Variants in ATP1A1 observed in about 807,000 individuals in gnomAD.
ATP1A1 encodes the protein sodium/potassium-transporting ATPase subunit alpha-1.
Under a neutral mutation model 114.8 loss-of-function variants are expected in ATP1A1, and 14 were observed. The ratio of observed to expected loss-of-function variants is 0.12; its 90% CI spans 0.08 to 0.19. The LOEUF is 0.19. ATP1A1 is among the 10% of genes least tolerant of loss of function. The pLI, the probability that ATP1A1 is intolerant of heterozygous loss-of-function variation, is 1.00. For missense variants in ATP1A1, 524 were observed against 1,290.7 expected, an observed-to-expected ratio of 0.41 and a Z score of 9.10; for synonymous variants, 471 against 466.3, an observed-to-expected ratio of 1.01 and a Z score of -0.13.
Position 116,397,830 on chromosome 1 carries a change from T to C in ATP1A1, c.1974-58T>C, listed in dbSNP as rs1214883732. ...ATAAGAATATCCCCTCTTGAGGTGA[T>C]GGACACATGCTGGTGATGTGATGCG... On this transcript the variant is annotated intron_variant, in intron 14 of 22. Coordinates refer to ENST00000295598, the MANE Select transcript of ATP1A1 (RefSeq NM_000701.8). The surrounding 1 kb of genome is among the most constrained non-coding windows in gnomAD (Gnocchi z 4.2). 12 of 1,570,656 alleles carry C rather than the reference T, an allele frequency of 7.6e-6. No individual in the cohort carries two copies. The highest frequency in any genetic ancestry group is 9.5e-6 in the Non-Finnish European group (11 of 1,159,106).
intron 18 of ATP1A1, among the ~76,000 whole-genome samples, chr1:116,400,179 CTG>C (rs1160205874): frequency 1.3e-5 from 2 of 152,210 alleles, no homozygotes; most frequent in Non-Finnish European, 2.9e-5. Context: ...GGTCACATAA[CTG>C]TGAACGCTTG....
chr1:116,398,129 T>G lies in ATP1A1; in HGVS notation c.2124+91T>G. ...AAACAGAGCAACGGTGATGGATGGA[T>G]GCATACCTCGCTGTATTAGACTCAG... On this transcript the variant is annotated intron_variant, in intron 15 of 22. Coordinates refer to ENST00000295598, the MANE Select transcript of ATP1A1 (RefSeq NM_000701.8). This position sits in a 1 kb window ranked among gnomAD's most constrained non-coding sequence, Gnocchi z 6.1. 6.6e-7 allele frequency: 1 copy of G among 1,521,622 alleles called. No homozygotes were observed. The highest frequency in any genetic ancestry group is 1.8e-5 in the Admixed American group (1 of 54,194). 94.3% of individuals were successfully genotyped at this position (1,521,622 alleles called of 1,614,324 possible). A position where few individuals can be genotyped will look rare whatever the true frequency, so the allele number is the denominator to read the frequency against.
chr1:116,395,195 T>G lies in ATP1A1; in HGVS notation c.1746T>G (p.Asn582Lys), dbSNP rs369543323. 6.8e-6 allele frequency: 11 copies of G among 1,614,070 alleles called. No individual in the cohort carries two copies. In the African/African-American group the frequency reaches 1.5e-4, roughly 22 times the overall value. Reference protein sequence around the residue: ...DTDDVNFPIDNLCFVGLISMI... With the variant: ...DTDDVNFPIDKLCFVGLISMI... ...ACGATGTGAATTTCCCTATCGATAA[T>G]CTGTGCTTTGTTGGGCTCATCTCCA... Residue 582 changes from asparagine (N) to lysine (K), a missense_variant, in exon 13 of 23, where the codon AAT becomes AAG. This residue lies in a region of ATP1A1 where 143 missense variants were observed against 259.3 expected (regional missense o/e 0.55). Coordinates refer to ENST00000295598, the MANE Select transcript of ATP1A1 (RefSeq NM_000701.8). This position sits in a 1 kb window ranked among gnomAD's most constrained non-coding sequence, Gnocchi z 6.4.
intron 10 of ATP1A1, 28 bp from the exon 11 acceptor site, chr1:116,392,826 A>T: frequency 6.3e-7 from 1 of 1,581,930 alleles, no homozygotes; most frequent in Non-Finnish European, 8.6e-7. Context: ...TTTTGGAGAT[A>T]ATTTACAGAT....
In ATP1A1 at chr1:116,388,209, A is replaced by G; in HGVS notation, c.466A>G (p.Lys156Glu). Reference sequence around the variant, plus strand: ...CTACTATCAAGAAGCTAAAAGTTCAAAGATCATGGAATCCTTCAAAAACAT... The same window carrying G: ...CTACTATCAAGAAGCTAAAAGTTCAGAGATCATGGAATCCTTCAAAAACAT... ...FSYYQEAKSS[K>E]IMESFKNMVP... The change falls in exon 5 of 23, where the codon AAG (lysine) becomes GAG (glutamate). Residue 156 changes from lysine to glutamate, a missense_variant. Lys to Glu is a moderately conservative substitution (Grantham distance 56). This residue lies in a region of ATP1A1 where 141 missense variants were observed against 316.6 expected (regional missense o/e 0.45). Coordinates refer to ENST00000295598, the MANE Select transcript of ATP1A1 (RefSeq NM_000701.8). The surrounding 1 kb of genome is among the most constrained non-coding windows in gnomAD (Gnocchi z 5.6). The G allele has an allele frequency of 1.2e-6, 2 of 1,614,100 alleles. No homozygotes were observed. Among genetic ancestry groups the G allele is most frequent in the Non-Finnish European group, 1.7e-6 (2 of 1,179,914 alleles).
intron 1 of ATP1A1, among the ~76,000 whole-genome samples, chr1:116,380,880 CCCCTG>C (rs949692556): frequency 2.6e-5 from 4 of 152,052 alleles, no homozygotes; most frequent in African/African-American, 9.7e-5. Context: ...CGTGGGTAAG[CCCCTG>C]CCCTTGCTGT....
At chr1:116,390,733 T>C in intron 9 of ATP1A1, 49 bp from the exon 10 acceptor site, 1 of 1,463,250 alleles carries the variant, frequency 6.8e-7, no homozygotes. Context: ...GAACACAGCC[T>C]TTGAAGTTAA....
Position 116,397,371 on chromosome 1 carries a change from G to A in ATP1A1, c.1974-517G>A, listed in dbSNP as rs768792819. On this transcript the variant is annotated intron_variant, in intron 14 of 22. Transcript: ENST00000295598. This position sits in a 1 kb window ranked among gnomAD's most constrained non-coding sequence, Gnocchi z 4.2. ...GTCTCGCTCTGTCATCCCGGTTGGA[G>A]TGCAGTGTCATGATCTTGGCTCACT... 2.6e-5 allele frequency among the ~76,000 whole-genome samples: 4 copies of A among 152,118 alleles called. No individual in the cohort carries two copies. The highest frequency in any genetic ancestry group is 5.9e-5 in the Non-Finnish European group (4 of 68,030).
At chr1:116,394,283 G>A (rs535327320) in intron 12 of ATP1A1, among the ~76,000 whole-genome samples, 2 of 152,284 alleles carry the variant, frequency 1.3e-5, no homozygotes, top group South Asian at 4.1e-4. Flanking sequence ...ATTGTCTAAT[G>A]TATTTGGGAA....
In ATP1A1 at chr1:116,399,170, A is replaced by G; in HGVS notation, c.2448+86A>G. ...TGGCACTATGCTCCCAGCATCCATGAGGCTGGCGTTGGGAAAAGAAATTCT... is the reference window on the plus strand; with the variant it reads ...TGGCACTATGCTCCCAGCATCCATGGGGCTGGCGTTGGGAAAAGAAATTCT... On this transcript the variant is annotated intron_variant, in intron 17 of 22. Transcript: ENST00000295598. The surrounding 1 kb of genome is among the most constrained non-coding windows in gnomAD (Gnocchi z 5.0). 1.3e-6 allele frequency: 2 copies of G among 1,581,508 alleles called. No individual in the cohort carries two copies. Among genetic ancestry groups the G allele is most frequent in the Non-Finnish European group, 1.7e-6 (2 of 1,157,460 alleles).
intron 1 of ATP1A1, among the ~76,000 whole-genome samples, chr1:116,376,984 C>T (rs565096472): frequency 5.3e-5 from 8 of 152,264 alleles, no homozygotes; most frequent in South Asian, 2.1e-4. Context: ...TCATTGTTTT[C>T]GGATTATTTT....
chr1:116,376,415 A>G (rs1381388233), intron 1 of ATP1A1, among the ~76,000 whole-genome samples: 2 of 152,184 alleles, frequency 1.3e-5, no homozygotes, highest in East Asian at 3.8e-4. Flanking sequence ...GACTTAAAGC[A>G]TTGTAAGGCA....
intron 1 of ATP1A1, among the ~76,000 whole-genome samples, chr1:116,375,078 A>G (rs1216911030): frequency 1.3e-5 from 2 of 152,138 alleles, no homozygotes; most frequent in East Asian, 1.9e-4. Context: ...ACCCTTGATC[A>G]TTTCTGTAAA....
chr1:116,388,401 A>G lies in ATP1A1; in HGVS notation c.501+157A>G, dbSNP rs12133039. 35,927 of 947,164 alleles carry G rather than the reference A, an allele frequency of 0.038. 1,785 individuals are homozygous for G. Among genetic ancestry groups the G allele is most frequent in the African/African-American group, 0.21 (12,517 of 59,292 alleles). The allele number at this position is 947,164 out of a possible 1,614,324, so 58.7% of individuals were successfully genotyped here. A position where few individuals can be genotyped will look rare whatever the true frequency, so the allele number is the denominator to read the frequency against. On this transcript the variant is annotated intron_variant, in intron 5 of 22. Transcript: ENST00000295598. This position sits in a 1 kb window ranked among gnomAD's most constrained non-coding sequence, Gnocchi z 5.6. ...CCCAAAACCAACCTATTTTCCTTCTATCCAAAAAGTGGTAGCCTTTCTTTT... is the reference window on the plus strand; with the variant it reads ...CCCAAAACCAACCTATTTTCCTTCTGTCCAAAAAGTGGTAGCCTTTCTTTT...
In ATP1A1 at chr1:116,385,966, A is replaced by G. The variant is rs1652049094; in HGVS notation, c.183+1124A>G. 6.6e-6 allele frequency: 1 copy of G among 152,138 alleles called. No homozygotes were observed. Among genetic ancestry groups the G allele is most frequent in the Non-Finnish European group, 1.5e-5 (1 of 68,150 alleles). The allele number at this position is 152,138 out of a possible 1,614,324, so 9.4% of individuals were successfully genotyped here. On this transcript the variant is annotated intron_variant, in intron 3 of 22. Transcript: ENST00000295598. This position sits in a 1 kb window ranked among gnomAD's most constrained non-coding sequence, Gnocchi z 4.3. ...ACATGGAGAAACCCCGTCTCTACTA[A>G]AAATACAAAATTAGCCTGGCATGGT... is the stretch of plus-strand genomic sequence containing the variant.
intron 1 of ATP1A1, among the ~76,000 whole-genome samples, chr1:116,382,132 C>T (rs1557780804): frequency 6.6e-6 from 1 of 152,144 alleles, no homozygotes; most frequent in Admixed American, 6.5e-5. Context: ...TAGATTGCGC[C>T]ACTGCACTCC....
At position 116,384,919 on chromosome 1, in the gene ATP1A1, C is replaced by G. The variant is rs928082991; in HGVS notation, c.183+77C>G. ...ATTTTCCCCTGTATTACATACAGGT[C>G]TAACCTCAGGGGCTCTAGTAAGAAA... On this transcript the variant is annotated intron_variant, in intron 3 of 22. Transcript: ENST00000295598. The surrounding 1 kb of genome is among the most constrained non-coding windows in gnomAD (Gnocchi z 5.1). The G allele has an allele frequency of 7.2e-7, 1 of 1,385,004 alleles. No homozygotes were observed. The highest frequency in any genetic ancestry group is 1.0e-6 in the Non-Finnish European group (1 of 974,476). 85.8% of individuals were successfully genotyped at this position (1,385,004 alleles called of 1,614,324 possible). A position where few individuals can be genotyped will look rare whatever the true frequency, so the allele number is the denominator to read the frequency against.
rs112590708 is a variant in ATP1A1 at position 116,389,249 on chromosome 1, G to A, written c.755-190G>A. On this transcript the variant is annotated intron_variant, in intron 7 of 22. Transcript: ENST00000295598. This position sits in a 1 kb window ranked among gnomAD's most constrained non-coding sequence, Gnocchi z 6.9. The stretch of plus-strand genomic sequence containing the variant: ...CAACACCAGTCTGGCATGGGTGTTG[G>A]AGCTGCTGTCCTGCTACTGGAGAGA... Among the ~76,000 whole-genome samples, 1 of 152,122 alleles carries A rather than the reference G, an allele frequency of 6.6e-6. No individual in the cohort carries two copies. Among genetic ancestry groups the A allele is most frequent in the Non-Finnish European group, 1.5e-5 (1 of 68,022 alleles).
Position 116,401,662 on chromosome 1 carries a change from T to G in ATP1A1, c.2951+7T>G, listed in dbSNP as rs1187402280. 6.2e-7 allele frequency: 1 copy of G among 1,612,344 alleles called. No individual in the cohort carries two copies. ...TTAGGATGTATCCCCTCAAGTAAGT[T>G]GATCCTCTGGTAGCTCCAAAAAGTA... On this transcript the variant is annotated splice_region_variant and intron_variant, in intron 21 of 22. Transcript: ENST00000295598. The surrounding 1 kb of genome is among the most constrained non-coding windows in gnomAD (Gnocchi z 4.7).
Sources: gnomAD v4.1 joint callset for allele counts (sites outside exome capture counted in the v4.1 genomes callset) on GRCh38, gnomAD v4.1.1 for gene constraint, gnomAD v4.1.1 regional missense constraint, Gnocchi (gnomAD v3.1) non-coding constraint, MANE v1.5 for transcripts, NCBI Gene and HGNC (gene_info 2026-07-23, HGNC 2026-07-21) for gene names.